The following NPRL3 variants were observed in gnomAD, a reference collection of about 807,000 sequenced individuals.
NPRL3 encodes NPR3 like, GATOR1 complex subunit, also known as GATOR1 complex protein NPRL3.
A neutral mutation model predicts 57.2 loss-of-function variants in NPRL3; 23 were observed. The observed-to-expected ratio is 0.40, with a 90% CI of 0.29 to 0.57. NPRL3 has a LOEUF of 0.57. NPRL3 is among the 20% of genes least tolerant of loss of function. NPRL3 has a pLI of 0.42. For missense variants in NPRL3, 691 were observed against 767.1 expected (o/e 0.90, Z 1.17); for synonymous variants, 333 against 321.1 (o/e 1.04, Z -0.39).
chr16:101,335 C>T (rs1899292409), intron 7 of NPRL3, among the ~76,000 whole-genome samples: 1 of 152,222 alleles, frequency 6.6e-6, no homozygotes, highest in African/African-American at 2.4e-5. Flanking sequence ...GTGCCCACCT[C>T]CCTGCAGTCT....
intron 11 of NPRL3, among the ~76,000 whole-genome samples, chr16:92,082 C>T (rs1898785326): frequency 6.6e-6 from 1 of 152,190 alleles, no homozygotes; most frequent in Non-Finnish European, 1.5e-5. Context: ...TCTCTAGGCT[C>T]TCTTGAATGA....
In NPRL3 at chr16:138,285, G is replaced by T; in HGVS notation, c.-18C>A. On this transcript the variant is annotated 5_prime_UTR_variant, in exon 2 of 14. Transcript: ENST00000611875. ...TCCCGCATCCCGCCGTGGGGCCGGGGCCGGGGGCGGAGGGGGCCAGAGGAG... is the reference window on the plus strand; with the variant it reads ...TCCCGCATCCCGCCGTGGGGCCGGGTCCGGGGGCGGAGGGGGCCAGAGGAG... 1 of 1,578,006 alleles carries T rather than the reference G, an allele frequency of 6.3e-7. No individual in the cohort carries two copies. Among genetic ancestry groups the T allele is most frequent in the Non-Finnish European group, 8.6e-7 (1 of 1,162,488 alleles).
intron 9 of NPRL3, among the ~76,000 whole-genome samples, chr16:95,167 C>A (rs1218543088): frequency 6.6e-6 from 1 of 151,986 alleles, no homozygotes; most frequent in Non-Finnish European, 1.5e-5. Context: ...ATCTCAAGAT[C>A]TTCTACTTAG....
intron 3 of NPRL3, among the ~76,000 whole-genome samples, chr16:127,872 G>C (rs528319193): frequency 2.1e-5 from 3 of 143,814 alleles, no homozygotes; most frequent in African/African-American, 8.7e-5. Flanking sequence ...GCCAGGATGA[G>C]TCTCGATCTC....
At chr16:128,507 G>A (rs1432252622) in intron 3 of NPRL3, among the ~76,000 whole-genome samples, 1 of 152,174 alleles carries the variant, frequency 6.6e-6, no homozygotes, top group African/African-American at 2.4e-5. Flanking sequence ...GGTGGCTCAC[G>A]CCTGTAATCC....
chr16:87,773 T>A lies in NPRL3; in HGVS notation c.1545-903A>T, dbSNP rs573543625. ...TTTTAGTAGAGACGGGGTTTCACCA[T>A]GTTAGCCAGGATGATCTCGATCTCC... On this transcript the variant is annotated intron_variant, in intron 13 of 13. Transcript: ENST00000611875. 7.3e-5 allele frequency among the ~76,000 whole-genome samples: 11 copies of A among 151,560 alleles called. No individual in the cohort carries two copies. The South Asian group carries it at 2.3e-3, about 32-fold the overall frequency.
intron 2 of NPRL3, among the ~76,000 whole-genome samples, chr16:131,682 A>G (rs940898036): frequency 1.3e-5 from 2 of 151,516 alleles, no homozygotes; most frequent in South Asian, 2.1e-4. Context: ...TATTGCCTCA[A>G]TGTTGATGGC....
intron 2 of NPRL3, among the ~76,000 whole-genome samples, chr16:136,798 G>A (rs1198626312): frequency 6.6e-6 from 1 of 152,022 alleles, no homozygotes; most frequent in Non-Finnish European, 1.5e-5. Flanking sequence ...GAAACTGAGG[G>A]CTGGGGGCCA....
intron 3 of NPRL3, among the ~76,000 whole-genome samples, chr16:128,798 G>A (rs1262314407): frequency 6.6e-6 from 1 of 152,100 alleles, no homozygotes; most frequent in Non-Finnish European, 1.5e-5. Flanking sequence ...CACAGAGAGT[G>A]GATTTGATGC....
At chr16:93,399 T>C in intron 9 of NPRL3, 74 bp from the exon 10 acceptor site, 1 of 943,374 alleles carries the variant, frequency 1.1e-6, no homozygotes, top group Non-Finnish European at 1.7e-6. Flanking sequence ...GCTCTCAGCC[T>C]GGGTGGCCAT....
In NPRL3 at chr16:86,637, A is replaced by C. The variant is rs10451206; in HGVS notation, c.*68T>G. On this transcript the variant is annotated 3_prime_UTR_variant, in exon 14 of 14. Coordinates refer to ENST00000611875, the MANE Select transcript of NPRL3 (RefSeq NM_001077350.3). ...GAGGGCTCAGCCTCAGCACGGGGGGAGCCCTGGGGTGGGGAGACGCGAGCG... is the reference window on the plus strand; with the variant it reads ...GAGGGCTCAGCCTCAGCACGGGGGGCGCCCTGGGGTGGGGAGACGCGAGCG... 4,812 of 1,447,954 alleles carry C rather than the reference A, an allele frequency of 3.3e-3. 108 individuals are homozygous for C. The African/African-American group carries it at 0.053, about 16-fold the overall frequency. The allele number at this position is 1,447,954 out of a possible 1,614,324, so 89.7% of individuals were successfully genotyped here.
chr16:116,669 A>G (rs1013101864), intron 5 of NPRL3, among the ~76,000 whole-genome samples: 2 of 152,088 alleles, frequency 1.3e-5, no homozygotes, highest in African/African-American at 4.8e-5. Flanking sequence ...AAAAAATACA[A>G]AAATTAGCAG....
At chr16:112,563 G>A (rs937579594) in intron 6 of NPRL3, 59 bp downstream of exon 6, 8 of 1,413,808 alleles carry the variant, frequency 5.7e-6, no homozygotes, top group South Asian at 1.5e-5. Context: ...AGAGGTCTGC[G>A]CTGCAGAGAG....
At chr16:88,608 G>C in intron 13 of NPRL3, 90 bp downstream of exon 13, 1 of 1,170,028 alleles carries the variant, frequency 8.5e-7, no homozygotes, top group Non-Finnish European at 1.2e-6. Context: ...GTTCTCAGTG[G>C]ATTTGGTGGT....
In NPRL3 at chr16:86,469, C is replaced by A. The variant is rs1057248625; in HGVS notation, c.*236G>T. Reference sequence around the variant, plus strand: ...TCCAGCGTGGAGATGCCTACGCGTGCGGCAAGGACTGGAGGGAAGCGTAGG... The same window carrying A: ...TCCAGCGTGGAGATGCCTACGCGTGAGGCAAGGACTGGAGGGAAGCGTAGG... On this transcript the variant is annotated 3_prime_UTR_variant, in exon 14 of 14. Transcript: ENST00000611875. 2.0e-6 allele frequency: 1 copy of A among 511,864 alleles called. No homozygotes were observed. The highest frequency in any genetic ancestry group is 3.5e-6 in the Non-Finnish European group (1 of 284,210). 31.7% of individuals were successfully genotyped at this position (511,864 alleles called of 1,614,324 possible).
intron 2 of NPRL3, among the ~76,000 whole-genome samples, chr16:133,602 C>A (rs558262509): frequency 6.6e-6 from 1 of 152,316 alleles, no homozygotes; most frequent in South Asian, 2.1e-4. Context: ...AACTCCTGGG[C>A]TCAAGCAATT....
chr16:130,960 G>C (rs1407011765), intron 2 of NPRL3, among the ~76,000 whole-genome samples: 3 of 152,194 alleles, frequency 2.0e-5, no homozygotes, highest in Non-Finnish European at 4.4e-5. Context: ...TAGCGGTAAT[G>C]GCTGCACACT....
intron 3 of NPRL3, among the ~76,000 whole-genome samples, chr16:126,684 G>A (rs899461497): frequency 6.6e-6 from 1 of 152,054 alleles, no homozygotes; most frequent in Non-Finnish European, 1.5e-5. Context: ...CCTACCAGTG[G>A]TGGGGACACA....
intron 9 of NPRL3, 64 bp downstream of exon 9, chr16:98,081 G>A (rs888753529): frequency 2.2e-5 from 34 of 1,565,710 alleles, no homozygotes; most frequent in Admixed American, 7.0e-5. Context: ...TGTGGCAGGC[G>A]GCCTGCCTTT....
Sources: allele counts gnomAD v4.1 joint callset (sites outside exome capture counted in the v4.1 genomes callset), GRCh38; gene constraint gnomAD v4.1.1; transcripts MANE v1.5; gene names NCBI Gene and HGNC (gene_info 2026-07-23, HGNC 2026-07-21).